Variants in ATF2 observed in about 807,000 individuals in gnomAD.
ATF2 encodes cyclic AMP-dependent transcription factor ATF-2.
In ATF2, 24 loss-of-function variants were observed where a neutral mutation model predicts 60.6. That is an observed-to-expected ratio of 0.40 (90% CI 0.29 to 0.56). The LOEUF is 0.56. Among genes scored for constraint, ATF2 ranks in the 20% least tolerant of loss-of-function variants. The probability of loss-of-function intolerance (pLI) is 0.54; values close to 1 mark genes in which losing one functional copy is unlikely to be tolerated. For missense variants in ATF2, 433 were observed against 607.7 expected, an observed-to-expected ratio of 0.71 and a Z score of 3.02; for synonymous variants, 206 against 215.4, an observed-to-expected ratio of 0.96 and a Z score of 0.38.
In ATF2 at chr2:175,072,909, G is replaced by T. The variant is rs904053342; in HGVS notation, c.*1700C>A. The stretch of plus-strand genomic sequence containing the variant: ...TATAATTTGAATGTTTCCCAGTTTG[G>T]AACTTAGGCAGGAGGGATATTTCCT... On this transcript the variant is annotated 3_prime_UTR_variant, in exon 14 of 14. Coordinates refer to ENST00000264110, the MANE Select transcript of ATF2 (RefSeq NM_001880.4). The T allele has an allele frequency of 2.0e-5, 3 of 151,988 alleles. No homozygotes were observed. Among genetic ancestry groups the T allele is most frequent in the African/African-American group, 7.2e-5 (3 of 41,384 alleles). The allele number at this position is 151,988 out of a possible 1,614,324, so 9.4% of individuals were successfully genotyped here.
At chr2:175,088,825 A>G (rs757615242) in intron 12 of ATF2, among the ~76,000 whole-genome samples, 147 of 132,250 alleles carry the variant, frequency 1.1e-3, no homozygotes, top group Admixed American at 1.7e-3. Flanking sequence ...ACAAAGCTAT[A>G]AACAGGTAAA....
At chr2:175,094,413 A>G (rs971807050) in intron 11 of ATF2, among the ~76,000 whole-genome samples, 3 of 117,398 alleles carry the variant, frequency 2.6e-5, no homozygotes, top group African/African-American at 1.2e-4. Context: ...GAAAAAAAAA[A>G]AAAAAAAAAA....
intron 11 of ATF2, among the ~76,000 whole-genome samples, chr2:175,093,885 G>A (rs187211863): frequency 1.2e-3 from 176 of 152,104 alleles, no homozygotes; most frequent in African/African-American, 3.9e-3. Context: ...TCATTTTTCT[G>A]GTAGGGAGAA....
At chr2:175,165,249 G>A (rs1415037538) in intron 1 of ATF2, among the ~76,000 whole-genome samples, 2 of 152,130 alleles carry the variant, frequency 1.3e-5, no homozygotes, top group Non-Finnish European at 1.5e-5. Flanking sequence ...TTAACGAGAG[G>A]TTCTGATGAA....
At chr2:175,153,994 C>T (rs1464100910) in intron 1 of ATF2, among the ~76,000 whole-genome samples, 1 of 151,506 alleles carries the variant, frequency 6.6e-6, no homozygotes, top group Non-Finnish European at 1.5e-5. Context: ...CCGAGGTGGG[C>T]GGATCACCTG....
intron 2 of ATF2, among the ~76,000 whole-genome samples, chr2:175,148,724 C>G (rs1279648540): frequency 1.3e-5 from 2 of 152,134 alleles, no homozygotes; most frequent in East Asian, 3.9e-4. Flanking sequence ...AAACCTTATT[C>G]TCTACAACCT....
At chr2:175,164,043 T>A (rs1359590842) in intron 1 of ATF2, among the ~76,000 whole-genome samples, 1 of 148,460 alleles carries the variant, frequency 6.7e-6, no homozygotes, top group Non-Finnish European at 1.5e-5. Context: ...TAACATTAAA[T>A]ACACCTGTAA....
Position 175,074,803 on chromosome 2 carries a change from A to G in ATF2, c.1324T>C (p.Ser442Pro). 1 of 1,613,558 alleles carries G rather than the reference A, an allele frequency of 6.2e-7. No homozygotes were observed. ...ADKDDSSEDISVPSSPHTEAI... is the reference protein window; with the variant it reads ...ADKDDSSEDIPVPSSPHTEAI... ...TCTGTATGTGGACTACTCGGCACTG[A>G]AATGTCTTCTGAACTATCATCTTTA... is the stretch of plus-strand genomic sequence containing the variant. The change falls in exon 14 of 14, where the codon TCA becomes CCA. Residue 442 changes from serine (S) to proline (P), a missense_variant. Coordinates refer to ENST00000264110, the MANE Select transcript of ATF2 (RefSeq NM_001880.4).
chr2:175,142,685 A>AAGAGAGAGAG (rs371270320), intron 2 of ATF2, among the ~76,000 whole-genome samples: 2 of 126,342 alleles, frequency 1.6e-5, no homozygotes, highest in African/African-American at 6.1e-5. Context: ...ACGCTGCCGA[A>AAGAGAGAGAG]AGAGAGAGAG....
At chr2:175,147,530 T>C (rs765168576) in intron 2 of ATF2, among the ~76,000 whole-genome samples, 2 of 152,220 alleles carry the variant, frequency 1.3e-5, no homozygotes, top group Non-Finnish European at 2.9e-5. Flanking sequence ...TTCTAAAATA[T>C]AGGTAATACT....
At chr2:175,094,156 G>C (rs552279821) in intron 11 of ATF2, among the ~76,000 whole-genome samples, 48 of 152,246 alleles carry the variant, frequency 3.2e-4, no homozygotes, top group African/African-American at 1.1e-3. Flanking sequence ...ACTCTGGGAG[G>C]CCAAGGCGGG....
chr2:175,135,002 T>A (rs1574452558), intron 3 of ATF2, among the ~76,000 whole-genome samples: 1 of 108,238 alleles, frequency 9.2e-6, no homozygotes, highest in African/African-American at 4.0e-5. Context: ...AGACCCCATC[T>A]CTTTAAAAAA....
intron 4 of ATF2, among the ~76,000 whole-genome samples, chr2:175,125,437 G>A (rs1031114682): frequency 6.6e-6 from 1 of 151,950 alleles, no homozygotes; most frequent in Non-Finnish European, 1.5e-5. Context: ...ATAATACTCA[G>A]GATCAAATGT....
intron 2 of ATF2, among the ~76,000 whole-genome samples, chr2:175,150,803 A>T (rs1331917124): frequency 6.6e-6 from 1 of 152,046 alleles, no homozygotes; most frequent in Non-Finnish European, 1.5e-5. Flanking sequence ...AATTTAGGAA[A>T]CTCTATGTTA....
intron 8 of ATF2, chr2:175,114,385 A>C: frequency 3.2e-6 from 4 of 1,249,276 alleles, no homozygotes; most frequent in Non-Finnish European, 4.0e-6. Context: ...CTTGGGAGCT[A>C]CCAGTAAGAA....
At chr2:175,092,843 A>C (rs1366033670) in intron 12 of ATF2, among the ~76,000 whole-genome samples, 1 of 152,228 alleles carries the variant, frequency 6.6e-6, no homozygotes, top group Admixed American at 6.5e-5. Flanking sequence ...ACAGGTAAAC[A>C]CATTTTAAAT....
chr2:175,075,864 T>C (rs115592912), intron 13 of ATF2, among the ~76,000 whole-genome samples: 177 of 152,344 alleles, frequency 1.2e-3, no homozygotes, highest in South Asian at 2.3e-3. Flanking sequence ...TTTGTTTATT[T>C]TGAAACATTT....
In ATF2 at chr2:175,090,996, A is replaced by G. The variant is rs148673042; in HGVS notation, c.1185+2065T>C. Among the ~76,000 whole-genome samples the G allele has an allele frequency of 3.4e-3, 522 of 152,276 alleles. 2 individuals are homozygous for G. Among genetic ancestry groups the G allele is most frequent in the African/African-American group, 0.012 (493 of 41,586 alleles). ...TGGTAACCAGTGCTGCAGTGTAACT[A>G]TGGAAACAGCAATATCTCATTAAAA... On this transcript the variant is annotated intron_variant, in intron 12 of 13. Transcript: ENST00000264110.
chr2:175,142,734 T>C (rs1415547554), intron 2 of ATF2, among the ~76,000 whole-genome samples: 1 of 151,436 alleles, frequency 6.6e-6, no homozygotes, highest in Non-Finnish European at 1.5e-5. Flanking sequence ...TGTGTGTGTG[T>C]GTGTGTGTGT....
Sources: gnomAD v4.1 joint callset for allele counts (sites outside exome capture counted in the v4.1 genomes callset) on GRCh38, gnomAD v4.1.1 for gene constraint, MANE v1.5 for transcripts, NCBI Gene and HGNC (gene_info 2026-07-23, HGNC 2026-07-21) for gene names.